The following AUTS2 variants were observed in gnomAD, a reference collection of about 807,000 sequenced individuals.
The protein encoded by AUTS2 is activator of transcription and developmental regulator AUTS2.
AUTS2 carries 17 observed loss-of-function variants against 112.4 expected under a neutral mutation model. That is an observed-to-expected ratio of 0.15 (90% CI 0.10 to 0.23). AUTS2 has a LOEUF of 0.23. Ranked by LOEUF, AUTS2 falls within the 10% of genes least tolerant of loss-of-function variation. AUTS2 has a pLI of 1.00. For synonymous variants in AUTS2, 751 were observed against 702.7 expected (o/e 1.07, Z -1.09); for missense variants, 1,510 against 1,701.6 (o/e 0.89, Z 1.98).
intron 2 of AUTS2, among the ~76,000 whole-genome samples, chr7:69,962,146 T>C (rs934414262): frequency 2.6e-5 from 4 of 152,122 alleles, no homozygotes; most frequent in African/African-American, 9.7e-5. Context: ...CAACTCTTCT[T>C]CCTTACAAGA....
chr7:69,860,151 CCTAA>C (rs557131827), intron 1 of AUTS2, among the ~76,000 whole-genome samples: 1 of 151,710 alleles, frequency 6.6e-6, no homozygotes, highest in South Asian at 2.1e-4. Flanking sequence ...GACCCTTGAC[CCTAA>C]CTATCAGGTT....
intron 5 of AUTS2, among the ~76,000 whole-genome samples, chr7:70,545,323 G>A (rs1396648042): frequency 3.9e-5 from 6 of 152,230 alleles, no homozygotes; most frequent in Non-Finnish European, 7.3e-5. Context: ...CGGGCATGCT[G>A]TAAGGACAGA....
At chr7:69,658,802 T>A (rs1300762581) in intron 1 of AUTS2, among the ~76,000 whole-genome samples, 1 of 152,208 alleles carries the variant, frequency 6.6e-6, no homozygotes, top group Non-Finnish European at 1.5e-5. Flanking sequence ...GAAATTCATT[T>A]AAAAAAATAA....
intron 5 of AUTS2, among the ~76,000 whole-genome samples, chr7:70,445,611 A>T (rs900076906): frequency 1.3e-5 from 2 of 152,158 alleles, no homozygotes; most frequent in African/African-American, 4.8e-5. Flanking sequence ...AGGGCTATAT[A>T]CAAGGTATAT....
chr7:70,349,686 G>T (rs1165079782), intron 4 of AUTS2, among the ~76,000 whole-genome samples: 2 of 151,608 alleles, frequency 1.3e-5, no homozygotes, highest in East Asian at 1.9e-4. Context: ...ATGGTGCCTG[G>T]TATCTTCTCT....
At chr7:70,350,898 G>A (rs902931477) in intron 4 of AUTS2, among the ~76,000 whole-genome samples, 8 of 151,748 alleles carry the variant, frequency 5.3e-5, no homozygotes, top group African/African-American at 1.5e-4. Context: ...CCTGGTAACC[G>A]CCATTGTGTT....
chr7:70,502,673 G>T (rs539610495), intron 5 of AUTS2, among the ~76,000 whole-genome samples: 1 of 152,314 alleles, frequency 6.6e-6, no homozygotes, highest in African/African-American at 2.4e-5. Context: ...GGCTCAGTGA[G>T]GTGTATAGTG....
At chr7:69,949,313 T>C (rs557028094) in intron 2 of AUTS2, among the ~76,000 whole-genome samples, 3 of 152,216 alleles carry the variant, frequency 2.0e-5, no homozygotes, top group African/African-American at 7.2e-5. Flanking sequence ...ATGAAACATA[T>C]ACTGAGTGCT....
intron 5 of AUTS2, among the ~76,000 whole-genome samples, chr7:70,646,019 G>A (rs941141434): frequency 2.0e-5 from 3 of 152,160 alleles, no homozygotes; most frequent in Non-Finnish European, 4.4e-5. Context: ...TTAGCGAGGC[G>A]ATAATGAACT....
chr7:69,641,844 C>G lies in AUTS2; in HGVS notation c.309+41882C>G, dbSNP rs557074635. ...ATAAGCACAAGTTCAGTTTGGCATTCTGTTCTCCACTAGTGATTGAGTTTG... is the reference window on the plus strand; with the variant it reads ...ATAAGCACAAGTTCAGTTTGGCATTGTGTTCTCCACTAGTGATTGAGTTTG... On this transcript the variant is annotated intron_variant, in intron 1 of 18. Coordinates refer to ENST00000342771, the MANE Select transcript of AUTS2 (RefSeq NM_015570.4). Among the ~76,000 whole-genome samples the G allele has an allele frequency of 4.6e-5, 7 of 152,332 alleles. No individual in the cohort carries two copies. The East Asian group carries it at 1.3e-3, about 29-fold the overall frequency.
At chr7:70,785,819 TG>T in intron 16 of AUTS2, 135 bp from the exon 17 acceptor site, 1 of 715,476 alleles carries the variant, frequency 1.4e-6, no homozygotes, top group Non-Finnish European at 2.4e-6. Context: ...TTACACCATC[TG>T]GTAGGAAAAG....
intron 4 of AUTS2, among the ~76,000 whole-genome samples, chr7:70,385,870 C>T (rs1361106291): frequency 2.0e-5 from 3 of 152,098 alleles, no homozygotes; most frequent in East Asian, 1.9e-4. Context: ...TGTATCACAC[C>T]GCAGCAGTGG....
At chr7:70,523,598 T>TG (rs1412599946) in intron 5 of AUTS2, among the ~76,000 whole-genome samples, 3 of 152,136 alleles carry the variant, frequency 2.0e-5, no homozygotes, top group East Asian at 1.9e-4. Flanking sequence ...GGAATCAGTT[T>TG]GGGGGCGTCT....
intron 2 of AUTS2, among the ~76,000 whole-genome samples, chr7:69,968,497 A>T (rs546803717): frequency 1.3e-5 from 2 of 152,214 alleles, no homozygotes; most frequent in South Asian, 4.1e-4. Context: ...CATATGTGTC[A>T]CTTACTCTGT....
At chr7:70,513,879 C>T (rs898574114) in intron 5 of AUTS2, among the ~76,000 whole-genome samples, 3 of 152,034 alleles carry the variant, frequency 2.0e-5, no homozygotes, top group Admixed American at 6.6e-5. Context: ...AGGCTGGTCT[C>T]GAACTCCTGA....
At chr7:70,748,162 T>C (rs897047732) in intron 6 of AUTS2, among the ~76,000 whole-genome samples, 2 of 152,046 alleles carry the variant, frequency 1.3e-5, no homozygotes, top group Admixed American at 1.3e-4. Flanking sequence ...ATTATCACCA[T>C]CCTCACTGCT....
At chr7:70,138,992 G>T (rs536969196) in intron 4 of AUTS2, among the ~76,000 whole-genome samples, 1 of 151,922 alleles carries the variant, frequency 6.6e-6, no homozygotes. Flanking sequence ...TTTTGACAGG[G>T]TCTCACTGTG....
chr7:70,581,195 C>T (rs1253058155), intron 5 of AUTS2, among the ~76,000 whole-genome samples: 1 of 152,080 alleles, frequency 6.6e-6, no homozygotes, highest in Non-Finnish European at 1.5e-5. Flanking sequence ...CCAGCCTGAC[C>T]AACGTGGTGA....
intron 2 of AUTS2, among the ~76,000 whole-genome samples, chr7:69,951,196 G>T (rs769901105): frequency 1.3e-5 from 2 of 152,128 alleles, no homozygotes; most frequent in Non-Finnish European, 2.9e-5. Flanking sequence ...TTTGTCAACA[G>T]AACTTCTTTA....
Sources: gnomAD v4.1 joint callset for allele counts (sites outside exome capture counted in the v4.1 genomes callset) on GRCh38, gnomAD v4.1.1 for gene constraint, MANE v1.5 for transcripts, NCBI Gene and HGNC (gene_info 2026-07-23, HGNC 2026-07-21) for gene names.